Variants in ACTN4 observed in about 807,000 individuals in gnomAD.
ACTN4 encodes the protein alpha-actinin-4.
Under a neutral mutation model 114.2 loss-of-function variants are expected in ACTN4, and 18 were observed. That is an observed-to-expected ratio of 0.16 (90% CI 0.11 to 0.23). The LOEUF is 0.23. Ranked by LOEUF, ACTN4 falls within the 10% of genes least tolerant of loss-of-function variation. The pLI is 1.00. For missense variants in ACTN4, 722 were observed against 1,262.9 expected (o/e 0.57, Z 6.49); for synonymous variants, 515 against 506.3 (o/e 1.02, Z -0.23).
chr19:38,706,260 C>T, intron 5 of ACTN4, 129 bp downstream of exon 5: 1 of 963,396 alleles, frequency 1.0e-6, no homozygotes, highest in Non-Finnish European at 1.6e-6. Flanking sequence ...CCTCCCTGGC[C>T]ACGGGCCCTA....
intron 1 of ACTN4, among the ~76,000 whole-genome samples, chr19:38,668,507 G>A (rs1288492807): frequency 2.6e-5 from 4 of 152,166 alleles, no homozygotes; most frequent in Non-Finnish European, 5.9e-5. Context: ...CCAACATGGT[G>A]ATACCCCGTC....
At chr19:38,680,226 T>TG (rs1967518296) in intron 1 of ACTN4, among the ~76,000 whole-genome samples, 1 of 35,078 alleles carries the variant, frequency 2.9e-5, no homozygotes, top group African/African-American at 5.4e-5. Flanking sequence ...TTTTTTTTTT[T>TG]TTTTTTTTTT....
At chr19:38,658,074 C>T (rs1976764450) in intron 1 of ACTN4, among the ~76,000 whole-genome samples, 1 of 152,170 alleles carries the variant, frequency 6.6e-6, no homozygotes, top group Non-Finnish European at 1.5e-5. Flanking sequence ...AAAGATCCTG[C>T]CACTTGGTAT....
intron 19 of ACTN4, chr19:38,728,450 C>CTCCTCCTCCTCA (rs1303524300): frequency 1.9e-6 from 2 of 1,054,390 alleles, no homozygotes; most frequent in Non-Finnish European, 1.3e-6. Flanking sequence ...CCTCCTCCTC[C>CTCCTCCTCCTCA]CCCCCACCTC....
At chr19:38,697,115 C>A (rs978235329) in intron 1 of ACTN4, among the ~76,000 whole-genome samples, 1 of 151,828 alleles carries the variant, frequency 6.6e-6, no homozygotes, top group Admixed American at 6.6e-5. Context: ...CAAGCCAGAG[C>A]TCTTGTTTAC....
chr19:38,695,826 G>C lies in ACTN4; in HGVS notation c.163-4774G>C, dbSNP rs542285474. Among the ~76,000 whole-genome samples the C allele has an allele frequency of 2.0e-5, 3 of 152,036 alleles. No individual in the cohort carries two copies. In the South Asian group the frequency reaches 6.2e-4, roughly 32 times the overall value. ...ACACCTTTCTGTGTCTGCCTCACCA[G>C]TCGCTTGGTGCCCCCCCACCCCGCC... On this transcript the variant is annotated intron_variant, in intron 1 of 20. Transcript: ENST00000252699.
chr19:38,710,489 GC>G, intron 8 of ACTN4, 147 bp downstream of exon 8: 2 of 837,502 alleles, frequency 2.4e-6, no homozygotes, highest in Non-Finnish European at 4.0e-6. Flanking sequence ...TGGCGTTGCT[GC>G]CCCCTCAGCC....
At chr19:38,702,357 A>G (rs766910822) in intron 3 of ACTN4, among the ~76,000 whole-genome samples, 6 of 151,948 alleles carry the variant, frequency 3.9e-5, no homozygotes, top group Non-Finnish European at 7.4e-5. Context: ...ACCCCGCCCC[A>G]CCCTGTCCCC....
chr19:38,691,434 AACCC>A (rs1967926852), intron 1 of ACTN4, among the ~76,000 whole-genome samples: 1 of 151,482 alleles, frequency 6.6e-6, no homozygotes, highest in Non-Finnish European at 1.5e-5. Context: ...CAAAAAAAAA[AACCC>A]AACAACGCAG....
rs754079335 is a variant in ACTN4 at position 38,701,117 on chromosome 19, A to G, written c.393A>G (p.Ala131=). Residue 131 remains alanine, a synonymous_variant, in exon 3 of 21, where the codon GCA becomes GCG. Transcript: ENST00000252699. ...GCGTCAAGCTGGTCTCCATCGGGGC[A>G]GAAGGTGAGCTGGAGGTGGGGCAGC... ...SKGVKLVSIG[A]EEIVDGNAKM... is the part of the protein sequence containing the mutation. The G allele has an allele frequency of 2.5e-6, 4 of 1,614,002 alleles. No individual in the cohort carries two copies. The Admixed American group carries it at 6.7e-5, about 27-fold the overall frequency.
At chr19:38,705,146 C>T in intron 4 of ACTN4, 126 bp downstream of exon 4, 1 of 907,514 alleles carries the variant, frequency 1.1e-6, no homozygotes, top group Middle Eastern at 2.2e-4. Flanking sequence ...GGGCCTGGCC[C>T]TTGCAGGGGT....
chr19:38,647,923 G>A lies in ACTN4; in HGVS notation c.162+16G>A, dbSNP rs765917461. Reference sequence around the variant, plus strand: ...GCAGCGCAAGGTGCGCGGCCCGCGGGCCGGACGGGCTGGAGGGGCTTTTCT... The same window carrying A: ...GCAGCGCAAGGTGCGCGGCCCGCGGACCGGACGGGCTGGAGGGGCTTTTCT... On this transcript the variant is annotated intron_variant, in intron 1 of 20. Transcript: ENST00000252699. 3.4e-6 allele frequency: 5 copies of A among 1,480,296 alleles called. No individual in the cohort carries two copies. The highest frequency in any genetic ancestry group is 2.3e-4 in the Middle Eastern group (1 of 4,378). 91.7% of individuals were successfully genotyped at this position (1,480,296 alleles called of 1,614,324 possible).
At chr19:38,648,202 A>C in intron 1 of ACTN4, 1 of 289,366 alleles carries the variant, frequency 3.5e-6, no homozygotes, top group Non-Finnish European at 6.4e-6. Flanking sequence ...CATTAGGGGA[A>C]ACCGAGGAGA....
rs775265633 is a variant in ACTN4 at position 38,724,114 on chromosome 19, T to C, written c.1692+37T>C. 6.2e-7 allele frequency: 1 copy of C among 1,613,512 alleles called. No individual in the cohort carries two copies. Among genetic ancestry groups the C allele is most frequent in the Non-Finnish European group, 8.5e-7 (1 of 1,179,968 alleles). On this transcript the variant is annotated intron_variant, in intron 14 of 20. Coordinates refer to ENST00000252699, the MANE Select transcript of ACTN4 (RefSeq NM_004924.6). The surrounding 1 kb of genome is among the most constrained non-coding windows in gnomAD (Gnocchi z 7.0). ...CCGGCCCCCCATCTTCCCAAGAGCCTCTGTGGGGCTGGGCCGCCCCCTCAC... is the reference window on the plus strand; with the variant it reads ...CCGGCCCCCCATCTTCCCAAGAGCCCCTGTGGGGCTGGGCCGCCCCCTCAC...
At chr19:38,648,034 C>A (rs1258531854) in intron 1 of ACTN4, 127 bp downstream of exon 1, 2 of 1,175,154 alleles carry the variant, frequency 1.7e-6, no homozygotes, top group Non-Finnish European at 2.2e-6. Flanking sequence ...AAGGAATTGG[C>A]GGGTCCGGGA....
At position 38,714,395 on chromosome 19, in the gene ACTN4, C is replaced by T. The variant is rs1015242695; in HGVS notation, c.820-74C>T. 2.4e-5 allele frequency: 34 copies of T among 1,410,158 alleles called. 1 individual carries two copies. The South Asian group carries it at 3.8e-4, about 16-fold the overall frequency. 87.4% of individuals were successfully genotyped at this position (1,410,158 alleles called of 1,614,324 possible). ...AGTTCCGTGGGCCATGGACCAGCTG[C>T]TTTCAAGGGACGTGCCCGTCAGGAG... On this transcript the variant is annotated intron_variant, in intron 8 of 20. Coordinates refer to ENST00000252699, the MANE Select transcript of ACTN4 (RefSeq NM_004924.6).
At chr19:38,661,681 C>T (rs917719269) in intron 1 of ACTN4, among the ~76,000 whole-genome samples, 6 of 152,088 alleles carry the variant, frequency 3.9e-5, no homozygotes, top group African/African-American at 1.4e-4. Flanking sequence ...GAGACGGAGT[C>T]TCACTCTGTT....
chr19:38,672,187 G>T (rs1967149652), intron 1 of ACTN4, among the ~76,000 whole-genome samples: 1 of 151,696 alleles, frequency 6.6e-6, no homozygotes, highest in South Asian at 2.1e-4. Context: ...CTCATAGTGG[G>T]CTTTCCTGCC....
At chr19:38,700,141 A>G (rs1599819008) in intron 1 of ACTN4, among the ~76,000 whole-genome samples, 1 of 152,138 alleles carries the variant, frequency 6.6e-6, no homozygotes, top group Admixed American at 6.5e-5. Context: ...TCATCAAGAA[A>G]ACAAGCCCCA....
Sources: gnomAD v4.1 joint callset for allele counts (sites outside exome capture counted in the v4.1 genomes callset) on GRCh38, gnomAD v4.1.1 for gene constraint, Gnocchi (gnomAD v3.1) non-coding constraint, MANE v1.5 for transcripts, NCBI Gene and HGNC (gene_info 2026-07-23, HGNC 2026-07-21) for gene names.